The following RORA variants were observed in gnomAD, a reference collection of about 807,000 sequenced individuals.
RORA encodes nuclear receptor ROR-alpha.
Under a neutral mutation model 69.5 loss-of-function variants are expected in RORA, and 7 were observed. The ratio of observed to expected loss-of-function variants is 0.10; its 90% CI spans 0.06 to 0.19. RORA has a LOEUF of 0.19. RORA is among the 10% of genes least tolerant of loss of function. The pLI is 1.00. For missense variants in RORA, 457 were observed against 663.0 expected (o/e 0.69, Z 3.41); for synonymous variants, 261 against 240.8 (o/e 1.08, Z -0.78).
At chr15:61,197,121 G>A (rs1043701241) in intron 1 of RORA, among the ~76,000 whole-genome samples, 9 of 152,230 alleles carry the variant, frequency 5.9e-5, no homozygotes, top group African/African-American at 9.7e-5. Flanking sequence ...TGCCACACCC[G>A]GGCCTTAGCC....
chr15:61,177,297 G>T (rs1259020097), intron 1 of RORA, among the ~76,000 whole-genome samples: 1 of 152,164 alleles, frequency 6.6e-6, no homozygotes, highest in Non-Finnish European at 1.5e-5. Flanking sequence ...GGGGACTTGG[G>T]TTTCCAGAAA....
At position 60,652,584 on chromosome 15, in the gene RORA, C is replaced by T. The variant is rs186267930; in HGVS notation, c.196+26073G>A. Among the ~76,000 whole-genome samples the T allele has an allele frequency of 1.8e-4, 28 of 152,262 alleles. No homozygotes were observed. The East Asian group carries it at 5.4e-3, about 29-fold the overall frequency. On this transcript the variant is annotated intron_variant, in intron 2 of 10. Coordinates refer to ENST00000335670, the MANE Select transcript of RORA (RefSeq NM_134261.3). ...TTGCATATGTGTCCTTCCAGAAAAG[C>T]TAAGATAAATCTTCTCAAATCCCCT...
intron 2 of RORA, among the ~76,000 whole-genome samples, chr15:60,663,090 CTGCTGAAGCCTATATTGCAACTGTT>C (rs1408324706): frequency 3.3e-5 from 5 of 152,254 alleles, no homozygotes; most frequent in African/African-American, 1.2e-4. Flanking sequence ...CCTGTGGCAT[CTGCTGAAGCCTATATTGCAACTGTT>C]CAAGTTTTCC....
chr15:60,828,473 C>T (rs1468182524), intron 1 of RORA, among the ~76,000 whole-genome samples: 1 of 152,170 alleles, frequency 6.6e-6, no homozygotes, highest in Non-Finnish European at 1.5e-5. Context: ...GATTTAGCTA[C>T]AGTGTGGGGG....
At chr15:60,950,225 G>A (rs1438777188) in intron 1 of RORA, among the ~76,000 whole-genome samples, 2 of 150,666 alleles carry the variant, frequency 1.3e-5, no homozygotes, top group African/African-American at 4.9e-5. Flanking sequence ...ACACTTTACA[G>A]ACAAGCAAAT....
chr15:60,828,531 A>C (rs1002294479), intron 1 of RORA, among the ~76,000 whole-genome samples: 8 of 152,146 alleles, frequency 5.3e-5, no homozygotes, highest in Non-Finnish European at 1.0e-4. Flanking sequence ...GAGGCCGCTG[A>C]GTGTGGAGAG....
Position 61,070,783 on chromosome 15 carries a change from C to T in RORA, c.166+158270G>A, listed in dbSNP as rs527462288. On this transcript the variant is annotated intron_variant, in intron 1 of 10. Transcript: ENST00000335670. ...ACTCAAACTGAAGGCTATCTGATAA[C>T]ATTTCATACTCTTTTCAAAAACCAT... is the stretch of plus-strand genomic sequence containing the variant. Among the ~76,000 whole-genome samples, 7 of 152,178 alleles carry T rather than the reference C, an allele frequency of 4.6e-5. 2 individuals are homozygous for T. The South Asian group carries it at 1.2e-3, about 27-fold the overall frequency.
intron 1 of RORA, among the ~76,000 whole-genome samples, chr15:60,909,085 T>C (rs544239819): frequency 1.3e-5 from 2 of 152,280 alleles, no homozygotes; most frequent in African/African-American, 4.8e-5. Flanking sequence ...GAAAGCCACC[T>C]GAACCCTGGA....
intron 1 of RORA, among the ~76,000 whole-genome samples, chr15:61,119,669 T>TA (rs919038355): frequency 1.3e-5 from 2 of 152,102 alleles, no homozygotes; most frequent in African/African-American, 4.8e-5. Context: ...AGGGCCACAA[T>TA]AAAAAATCTG....
At chr15:60,999,501 G>C (rs1443356435) in intron 1 of RORA, among the ~76,000 whole-genome samples, 3 of 152,180 alleles carry the variant, frequency 2.0e-5, no homozygotes, top group Admixed American at 6.5e-5. Context: ...TTTCACATGG[G>C]AAAATCTTCA....
chr15:61,180,143 C>CAAAAA (rs71456351), intron 1 of RORA, among the ~76,000 whole-genome samples: 15 of 36,652 alleles, frequency 4.1e-4, no homozygotes, highest in East Asian at 1.0e-3. Flanking sequence ...GACTCCATCT[C>CAAAAA]AAAAAAAAAA....
chr15:61,224,763 C>T (rs139905120), intron 1 of RORA, among the ~76,000 whole-genome samples: 1 of 152,322 alleles, frequency 6.6e-6, no homozygotes, highest in African/African-American at 2.4e-5. Context: ...TCCGGAGGCA[C>T]ATCTATTACA....
intron 2 of RORA, chr15:60,627,295 C>A: frequency 4.2e-5 from 68 of 1,614,178 alleles, no homozygotes; most frequent in Non-Finnish European, 5.7e-5. Flanking sequence ...CTGTCCAGTT[C>A]GAAGACAATG....
chr15:60,880,103 G>A (rs138926954), intron 1 of RORA, among the ~76,000 whole-genome samples: 1,741 of 152,276 alleles, frequency 0.011, 22 homozygotes, highest in Non-Finnish European at 0.019. Context: ...GCCTCCCTCA[G>A]AGGCTGAAAT....
At position 60,607,267 on chromosome 15, in the gene RORA, TATA is replaced by T. The variant is rs1188572371; in HGVS notation, c.196+71387_196+71389del. ...TGTACACACCATAATAATTAATGGT[TATA>T]ATGACTTTGAATCACTAAGGACGTA... On this transcript the variant is annotated intron_variant, in intron 2 of 10. Coordinates refer to ENST00000335670, the MANE Select transcript of RORA (RefSeq NM_134261.3). 3.3e-5 allele frequency among the ~76,000 whole-genome samples: 5 copies of T among 152,314 alleles called. No homozygotes were observed. In the East Asian group the frequency reaches 9.6e-4, roughly 29 times the overall value.
rs979410669 is a variant in RORA at position 61,196,112 on chromosome 15, G to T, written c.166+32941C>A. On this transcript the variant is annotated intron_variant, in intron 1 of 10. Coordinates refer to ENST00000335670, the MANE Select transcript of RORA (RefSeq NM_134261.3). The stretch of plus-strand genomic sequence containing the variant: ...CAATTGCTTTTGCACCAACCTAATA[G>T]TAAACCAAGGGTCACAATTCAAATC... 2.6e-5 allele frequency among the ~76,000 whole-genome samples: 4 copies of T among 152,198 alleles called. No homozygotes were observed. The East Asian group carries it at 7.7e-4, about 29-fold the overall frequency.
intron 2 of RORA, among the ~76,000 whole-genome samples, chr15:60,592,017 G>T (rs1286012269): frequency 3.9e-5 from 6 of 151,966 alleles, no homozygotes; most frequent in Non-Finnish European, 8.8e-5. Flanking sequence ...GGCCGCGGGC[G>T]TCCCCGGCTT....
chr15:61,081,083 GC>G (rs2078532188), intron 1 of RORA, among the ~76,000 whole-genome samples: 2 of 152,162 alleles, frequency 1.3e-5, no homozygotes, highest in Non-Finnish European at 2.9e-5. Context: ...ACCTCGTTCT[GC>G]CCCACAGTAC....
intron 1 of RORA, among the ~76,000 whole-genome samples, chr15:60,934,683 C>T (rs749292966): frequency 3.9e-5 from 6 of 152,132 alleles, no homozygotes; most frequent in Non-Finnish European, 8.8e-5. Flanking sequence ...CCAGGTGATG[C>T]TGATGTTGCC....
Sources: allele counts gnomAD v4.1 joint callset (sites outside exome capture counted in the v4.1 genomes callset), GRCh38; gene constraint gnomAD v4.1.1; transcripts MANE v1.5; gene names NCBI Gene and HGNC (gene_info 2026-07-23, HGNC 2026-07-21).